PPP2R1A: variants seen among roughly 807,000 people sequenced by gnomAD.
PPP2R1A encodes the protein protein phosphatase 2 scaffold subunit Aalpha, also known as serine/threonine-protein phosphatase 2A 65 kDa regulatory subunit A alpha isoform.
Under a neutral mutation model 67.1 loss-of-function variants are expected in PPP2R1A, and 15 were observed. The ratio of observed to expected loss-of-function variants is 0.22; its 90% confidence interval spans 0.15 to 0.34. The LOEUF (loss-of-function observed/expected upper bound fraction) is 0.34, where lower values mean the gene tolerates loss of function less well. Among genes scored for constraint, PPP2R1A ranks in the 10% least tolerant of loss-of-function variants. The pLI, the probability that PPP2R1A is intolerant of heterozygous loss-of-function variation, is 1.00. For synonymous variants in PPP2R1A, 337 were observed against 325.0 expected, an observed-to-expected ratio of 1.04 and a Z score of -0.40; for missense variants, 369 against 775.0, an observed-to-expected ratio of 0.48 and a Z score of 6.22.
Position 52,213,325 on chromosome 19 carries a change from G to C in PPP2R1A, c.807+215G>C, listed in dbSNP as rs1268534598. ...AGTGCTGCCTTGAGAAAGATTCTGA[G>C]GCAAAGTTAAGGCTACGTGGAGGAA... On this transcript the variant is annotated intron_variant, in intron 6 of 14. Transcript: ENST00000322088. This position sits in a 1 kb window ranked among gnomAD's most constrained non-coding sequence, Gnocchi z 4.2. Among the ~76,000 whole-genome samples, 1 of 152,086 alleles carries C rather than the reference G, an allele frequency of 6.6e-6. No homozygotes were observed. Among genetic ancestry groups the C allele is most frequent in the Non-Finnish European group, 1.5e-5 (1 of 68,030 alleles).
rs185618990 is a variant in PPP2R1A at position 52,199,169 on chromosome 19, A to G, written c.79-2775A>G. Reference sequence around the variant, plus strand: ...ACAGTATTTTATGTTATTTTATTTTATTTATTTATTTATTTGAGACAGAGT... The same window carrying G: ...ACAGTATTTTATGTTATTTTATTTTGTTTATTTATTTATTTGAGACAGAGT... On this transcript the variant is annotated intron_variant, in intron 1 of 14. Coordinates refer to ENST00000322088, the MANE Select transcript of PPP2R1A (RefSeq NM_014225.6). 8.0e-4 allele frequency among the ~76,000 whole-genome samples: 121 copies of G among 151,776 alleles called. 1 individual carries two copies. The highest frequency in any genetic ancestry group is 2.6e-3 in the African/African-American group (109 of 41,314).
chr19:52,218,614 T>G lies in PPP2R1A; in HGVS notation c.1129-1077T>G, dbSNP rs537982118. Among the ~76,000 whole-genome samples, 65 of 152,342 alleles carry G rather than the reference T, an allele frequency of 4.3e-4. 1 individual carries two copies. Among genetic ancestry groups the G allele is most frequent in the African/African-American group, 1.5e-3 (64 of 41,572 alleles). ...CATAGTTTTTATAATTTTATAGATA[T>G]TAATACAATTTATATTTGTTTTTGA... On this transcript the variant is annotated intron_variant, in intron 9 of 14. Transcript: ENST00000322088.
chr19:52,217,023 C>T (rs1978616704), intron 9 of PPP2R1A, among the ~76,000 whole-genome samples: 1 of 152,070 alleles, frequency 6.6e-6, no homozygotes, highest in African/African-American at 2.4e-5. Context: ...AACCTCGTGT[C>T]TGCTAAAAAT....
At chr19:52,215,923 T>G in intron 7 of PPP2R1A, 30 bp downstream of exon 7, 2 of 1,612,170 alleles carry the variant, frequency 1.2e-6, no homozygotes, top group Non-Finnish European at 1.7e-6. Flanking sequence ...ACACAGCAAG[T>G]GGGGTGGGTA....
Position 52,216,663 on chromosome 19 carries a change from G to T in PPP2R1A, c.1128G>T (p.Glu376Asp). The T allele has an allele frequency of 1.2e-6, 2 of 1,614,142 alleles. No homozygotes were observed. Among genetic ancestry groups the T allele is most frequent in the Non-Finnish European group, 1.7e-6 (2 of 1,180,028 alleles). Residue 376 changes from glutamate (E) to aspartate (D), a missense_variant and splice_region_variant, in exon 9 of 15, where the codon GAG becomes GAT. This residue lies in a region of PPP2R1A where 276 missense variants were observed against 508.4 expected (regional missense o/e 0.54). Coordinates refer to ENST00000322088, the MANE Select transcript of PPP2R1A (RefSeq NM_014225.6). This position sits in a 1 kb window ranked among gnomAD's most constrained non-coding sequence, Gnocchi z 4.3. The stretch of plus-strand genomic sequence containing the variant: ...TCTTCCTGGCTCAGCTGAAGGATGA[G>T]GTAAGGGCACCAGGATCTCAGCTCT... ...LPLFLAQLKD[E>D]CPEVRLNIIS...
chr19:52,215,165 C>T (rs890941414), intron 6 of PPP2R1A, among the ~76,000 whole-genome samples: 1 of 152,206 alleles, frequency 6.6e-6, no homozygotes, highest in African/African-American at 2.4e-5. Flanking sequence ...AGGTGATCCT[C>T]CCACTTCAGC....
rs746120438 is a variant in PPP2R1A at position 52,216,026 on chromosome 19, T to C, written c.945T>C (p.Ala315=). ...CAGAGTTCTGTGAAAACCTCTCAGCTGACTGTCGGGAGAATGTGATCATGT... is the reference window on the plus strand; with the variant it reads ...CAGAGTTCTGTGAAAACCTCTCAGCCGACTGTCGGGAGAATGTGATCATGT... ...KVKEFCENLS[A]DCRENVIMSQ... is the part of the protein sequence containing the mutation. The change falls in exon 8 of 15, where the codon GCT becomes GCC. Residue 315 remains alanine (A), a synonymous_variant. Coordinates refer to ENST00000322088, the MANE Select transcript of PPP2R1A (RefSeq NM_014225.6). This position sits in a 1 kb window ranked among gnomAD's most constrained non-coding sequence, Gnocchi z 4.3. 6.2e-7 allele frequency: 1 copy of C among 1,614,086 alleles called. No homozygotes were observed. Among genetic ancestry groups the C allele is most frequent in the Non-Finnish European group, 8.5e-7 (1 of 1,179,952 alleles).
At chr19:52,203,528 T>TA (rs1199855131) in intron 2 of PPP2R1A, among the ~76,000 whole-genome samples, 3 of 152,192 alleles carry the variant, frequency 2.0e-5, no homozygotes, top group Non-Finnish European at 4.4e-5. Flanking sequence ...AGGAGTCTAA[T>TA]AAGAGGAGTA....
intron 13 of PPP2R1A, among the ~76,000 whole-genome samples, chr19:52,222,701 C>T (rs1406948083): frequency 6.6e-6 from 1 of 152,210 alleles, no homozygotes; most frequent in African/African-American, 2.4e-5. Context: ...CATGGCGAAA[C>T]CCCGTCTCTA....
At chr19:52,206,793 C>G (rs8101065) in intron 3 of PPP2R1A, among the ~76,000 whole-genome samples, 1 of 152,140 alleles carries the variant, frequency 6.6e-6, no homozygotes, top group Admixed American at 6.5e-5. Flanking sequence ...GAAGGCAGAC[C>G]GTACAGGTTA....
chr19:52,190,254 C>T lies in PPP2R1A; in HGVS notation c.78+80C>T, dbSNP rs975430277. 4.7e-6 allele frequency: 7 copies of T among 1,475,764 alleles called. No homozygotes were observed. In the African/African-American group the frequency reaches 9.9e-5, roughly 21 times the overall value. The allele number at this position is 1,475,764 out of a possible 1,614,324, so 91.4% of individuals were successfully genotyped here. A position where few individuals can be genotyped will look rare whatever the true frequency, so the allele number is the denominator to read the frequency against. On this transcript the variant is annotated intron_variant, in intron 1 of 14. Coordinates refer to ENST00000322088, the MANE Select transcript of PPP2R1A (RefSeq NM_014225.6). ...GGCGGCCCTCGCGGAGAAGACTCAG[C>T]GTTCGCTGGGAGTGGCGGAAGGGGG... is the stretch of plus-strand genomic sequence containing the variant.
intron 11 of PPP2R1A, 73 bp downstream of exon 11, chr19:52,220,322 G>T (rs1013138045): frequency 6.6e-7 from 1 of 1,525,544 alleles, no homozygotes; most frequent in Non-Finnish European, 9.0e-7. Flanking sequence ...CTGGGGCTGT[G>T]GCGGGCAGTG....
Position 52,201,917 on chromosome 19 carries a change from C to T in PPP2R1A, c.79-27C>T, listed in dbSNP as rs767621409. 40 of 1,604,696 alleles carry T rather than the reference C, an allele frequency of 2.5e-5. 1 individual carries two copies. The South Asian group carries it at 4.3e-4, about 17-fold the overall frequency. On this transcript the variant is annotated intron_variant, in intron 1 of 14. Transcript: ENST00000322088. The stretch of plus-strand genomic sequence containing the variant: ...GCGTGTCTGGGATTTCTAACATTCT[C>T]CCCTCCTCTTCTTGTTCTCTCATTA...
chr19:52,201,756 A>G (rs2089551685), intron 1 of PPP2R1A, 188 bp from the exon 2 acceptor site: 2 of 574,174 alleles, frequency 3.5e-6, no homozygotes, highest in Non-Finnish European at 6.3e-6. Flanking sequence ...TGCCACTACT[A>G]TTGTTGTTAT....
At chr19:52,218,254 C>T (rs1028362007) in intron 9 of PPP2R1A, among the ~76,000 whole-genome samples, 1 of 152,074 alleles carries the variant, frequency 6.6e-6, no homozygotes, top group Non-Finnish European at 1.5e-5. Flanking sequence ...TACACAGGCG[C>T]CCACACAGTC....
At chr19:52,207,924 G>T (rs2089621664) in intron 3 of PPP2R1A, among the ~76,000 whole-genome samples, 1 of 152,228 alleles carries the variant, frequency 6.6e-6, no homozygotes, top group South Asian at 2.1e-4. Flanking sequence ...TGCTTAGGTG[G>T]GATGGGAAGT....
intron 3 of PPP2R1A, among the ~76,000 whole-genome samples, chr19:52,209,769 C>CT (rs2089646619): frequency 6.6e-6 from 1 of 152,182 alleles, no homozygotes; most frequent in Non-Finnish European, 1.5e-5. Context: ...GTCTTTATGA[C>CT]TATTAGCTAA....
At chr19:52,215,216 C>T (rs770737846) in intron 6 of PPP2R1A, among the ~76,000 whole-genome samples, 6 of 150,414 alleles carry the variant, frequency 4.0e-5, no homozygotes, top group South Asian at 2.1e-4. Context: ...CCCCCACACC[C>T]GGCTAATTGT....
At chr19:52,225,011 CTT>C (rs61015844) in intron 13 of PPP2R1A, among the ~76,000 whole-genome samples, 155 of 101,060 alleles carry the variant, frequency 1.5e-3, no homozygotes, top group African/African-American at 6.1e-3. Flanking sequence ...TTGAGTTTAC[CTT>C]TTTTTTTTTT....
Sources: gnomAD v4.1 joint callset for allele counts (sites outside exome capture counted in the v4.1 genomes callset) on GRCh38, gnomAD v4.1.1 for gene constraint, gnomAD v4.1.1 regional missense constraint, Gnocchi (gnomAD v3.1) non-coding constraint, MANE v1.5 for transcripts, NCBI Gene and HGNC (gene_info 2026-07-23, HGNC 2026-07-21) for gene names.